Variants in GRIN2A observed in about 807,000 individuals in gnomAD.
GRIN2A encodes the protein glutamate receptor ionotropic, NMDA 2A.
Under a neutral mutation model 113.4 loss-of-function variants are expected in GRIN2A, and 22 were observed. The ratio of observed to expected loss-of-function variants is 0.19; its 90% CI spans 0.14 to 0.28. GRIN2A has a LOEUF of 0.28. Ranked by LOEUF, GRIN2A falls within the 10% of genes least tolerant of loss-of-function variation. The pLI is 1.00. For synonymous variants in GRIN2A, 827 were observed against 738.4 expected (o/e 1.12, Z -1.94); for missense variants, 1,502 against 1,887.0 (o/e 0.80, Z 3.78).
chr16:9,789,911 G>A (rs1243595838), intron 11 of GRIN2A, among the ~76,000 whole-genome samples: 7 of 152,218 alleles, frequency 4.6e-5, no homozygotes, highest in East Asian at 1.9e-4. Flanking sequence ...AAGAAAGGGA[G>A]AAACTGTGAA....
Position 9,834,207 on chromosome 16 carries a change from C to T in GRIN2A, c.1675G>A (p.Val559Met), listed in dbSNP as rs1476673300. The T allele has an allele frequency of 2.5e-6, 4 of 1,613,748 alleles. No individual in the cohort carries two copies. Among genetic ancestry groups the T allele is most frequent in the Non-Finnish European group, 3.4e-6 (4 of 1,179,808 alleles). The change falls in exon 8 of 13, where the codon GTG becomes ATG. Residue 559 changes from valine to methionine, a missense_variant. Around this residue, in one of 7 missense-constraint regions of GRIN2A, gnomAD observed 82 missense variants for 222.7 expected, o/e 0.37. Transcript: ENST00000330684. ...FLEPFSASVW[V>M]MMFVMLLIVS... ...ATGAGCAGCATCACAAACATCATCA[C>T]CCAGACAGAGGCGCTGAATGGTTCT...
chr16:9,866,635 T>C (rs138198181), intron 4 of GRIN2A, among the ~76,000 whole-genome samples: 14 of 152,344 alleles, frequency 9.2e-5, no homozygotes, highest in African/African-American at 3.4e-4. Context: ...CATCCACATA[T>C]GGCTAGGACT....
At chr16:9,850,209 G>T (rs1356035011) in intron 4 of GRIN2A, among the ~76,000 whole-genome samples, 1 of 152,160 alleles carries the variant, frequency 6.6e-6, no homozygotes, top group Non-Finnish European at 1.5e-5. Context: ...CAGTGCCCAG[G>T]CACTGATACC....
chr16:9,844,454 T>C (rs554219032), intron 5 of GRIN2A, among the ~76,000 whole-genome samples: 93 of 152,352 alleles, frequency 6.1e-4, no homozygotes, highest in Non-Finnish European at 1.0e-3. Context: ...TGTTGGTTCC[T>C]ATTACAGCCC....
chr16:9,975,244 A>G (rs1317221147), intron 2 of GRIN2A, among the ~76,000 whole-genome samples: 1 of 152,168 alleles, frequency 6.6e-6, no homozygotes, highest in Non-Finnish European at 1.5e-5. Context: ...AGATGTCCAC[A>G]CCTTTAACCC....
chr16:9,954,682 A>G lies in GRIN2A; in HGVS notation c.415-16131T>C, dbSNP rs183529237. On this transcript the variant is annotated intron_variant, in intron 2 of 12. Transcript: ENST00000330684. The stretch of plus-strand genomic sequence containing the variant: ...TTGCCGAGCAAAATTTTCAGGCCAC[A>G]AATTAGAGGTACCCCTGGCTTAAAA... Among the ~76,000 whole-genome samples the G allele has an allele frequency of 1.7e-3, 264 of 152,284 alleles. 1 individual carries two copies. Among genetic ancestry groups the G allele is most frequent in the African/African-American group, 6.1e-3 (252 of 41,562 alleles).
At chr16:10,058,957 T>A (rs2047502372) in intron 2 of GRIN2A, among the ~76,000 whole-genome samples, 1 of 152,124 alleles carries the variant, frequency 6.6e-6, no homozygotes, top group South Asian at 2.1e-4. Flanking sequence ...AACAGAGTGA[T>A]ATGGGGAAAG....
At chr16:9,817,546 A>G (rs2042207940) in intron 10 of GRIN2A, among the ~76,000 whole-genome samples, 2 of 152,254 alleles carry the variant, frequency 1.3e-5, no homozygotes, top group Admixed American at 6.5e-5. Flanking sequence ...TTTGACACAG[A>G]TAAAAGAATC....
At chr16:10,126,573 T>A (rs1431705922) in intron 2 of GRIN2A, among the ~76,000 whole-genome samples, 2 of 152,222 alleles carry the variant, frequency 1.3e-5, no homozygotes, top group Admixed American at 1.3e-4. Flanking sequence ...GTTACTCATT[T>A]CTCTTCCATT....
chr16:10,040,686 C>A (rs2047149489), intron 2 of GRIN2A, among the ~76,000 whole-genome samples: 1 of 152,130 alleles, frequency 6.6e-6, no homozygotes, highest in East Asian at 1.9e-4. Context: ...CACACACAAA[C>A]CTACACATTC....
At chr16:9,807,728 C>A (rs1596445961) in intron 10 of GRIN2A, among the ~76,000 whole-genome samples, 1 of 152,166 alleles carries the variant, frequency 6.6e-6, no homozygotes, top group East Asian at 1.9e-4. Flanking sequence ...AGCAGTGTGC[C>A]TTCAGGACAC....
At chr16:10,014,227 C>T (rs2046561443) in intron 2 of GRIN2A, among the ~76,000 whole-genome samples, 1 of 152,198 alleles carries the variant, frequency 6.6e-6, no homozygotes, top group African/African-American at 2.4e-5. Context: ...TGGTCATTTT[C>T]ATATGGCTGG....
At chr16:10,112,046 C>A in intron 2 of GRIN2A, 2 of 624,626 alleles carry the variant, frequency 3.2e-6, no homozygotes, top group Non-Finnish European at 5.9e-6. Context: ...CCATCGTCTC[C>A]CACACCAACC....
intron 2 of GRIN2A, among the ~76,000 whole-genome samples, chr16:10,118,525 C>T (rs535819503): frequency 4.5e-4 from 69 of 152,234 alleles, no homozygotes; most frequent in Non-Finnish European, 9.4e-4. Flanking sequence ...TCCATTCATC[C>T]CCTCTGAAAA....
chr16:9,949,142 T>C (rs1265827594), intron 2 of GRIN2A, among the ~76,000 whole-genome samples: 2 of 152,204 alleles, frequency 1.3e-5, no homozygotes, highest in Non-Finnish European at 1.5e-5. Flanking sequence ...CAGGTCTCTA[T>C]TGTCAATCGT....
intron 4 of GRIN2A, among the ~76,000 whole-genome samples, chr16:9,887,283 T>C (rs2043603463): frequency 1.3e-5 from 2 of 152,276 alleles, no homozygotes; most frequent in South Asian, 2.1e-4. Flanking sequence ...ATGTTCAAGA[T>C]AGGAAATAAC....
In GRIN2A at chr16:10,180,086, A is replaced by G; in HGVS notation, c.326T>C (p.Val109Ala). 1 of 1,614,178 alleles carries G rather than the reference A, an allele frequency of 6.2e-7. No individual in the cohort carries two copies. ...VFGDDTDQEA[V>A]AQMLDFISSH... is the part of the protein sequence containing the mutation. ...GGAGATAAAATCCAGCATCTGGGCTACGGCCTCCTGGTCCGTGTCGTCCCC... is the reference window on the plus strand; with the variant it reads ...GGAGATAAAATCCAGCATCTGGGCTGCGGCCTCCTGGTCCGTGTCGTCCCC... Residue 109 changes from valine to alanine, a missense_variant, in exon 2 of 13, where the codon GTA becomes GCA. By Grantham distance (64) the Val-to-Ala change is moderately conservative. Coordinates refer to ENST00000330684, the MANE Select transcript of GRIN2A (RefSeq NM_001134407.3). This position sits in a 1 kb window ranked among gnomAD's most constrained non-coding sequence, Gnocchi z 7.0.
At chr16:10,091,996 T>G (rs2048192493) in intron 2 of GRIN2A, among the ~76,000 whole-genome samples, 1 of 152,226 alleles carries the variant, frequency 6.6e-6, no homozygotes, top group African/African-American at 2.4e-5. Context: ...GTATTTACAA[T>G]GAGTGCATTT....
chr16:10,088,531 A>C (rs984821451), intron 2 of GRIN2A, among the ~76,000 whole-genome samples: 2 of 152,234 alleles, frequency 1.3e-5, no homozygotes, highest in African/African-American at 4.8e-5. Flanking sequence ...CCACAAGATC[A>C]GCGTCTGATC....
Sources: allele counts gnomAD v4.1 joint callset (sites outside exome capture counted in the v4.1 genomes callset), GRCh38; gene constraint gnomAD v4.1.1; regional missense constraint gnomAD v4.1.1; non-coding constraint Gnocchi (gnomAD v3.1); transcripts MANE v1.5; gene names NCBI Gene and HGNC (gene_info 2026-07-23, HGNC 2026-07-21).